PREX2: variants seen among roughly 807,000 people sequenced by gnomAD.
PREX2 encodes the protein phosphatidylinositol 3,4,5-trisphosphate-dependent Rac exchanger 2 protein.
A neutral mutation model predicts 203.2 loss-of-function variants in PREX2; 107 were observed. That is an observed-to-expected ratio of 0.53 (90% confidence interval 0.45 to 0.62). The LOEUF (loss-of-function observed/expected upper bound fraction) is 0.62, where lower values mean the gene tolerates loss of function less well. Ranked by LOEUF, PREX2 falls within the 20% of genes least tolerant of loss-of-function variation. The pLI is 0.00. For missense variants in PREX2, 1,777 were observed against 1,955.9 expected (o/e 0.91, Z 1.72); for synonymous variants, 672 against 663.6 (o/e 1.01, Z -0.19).
At chr8:68,168,147 T>C (rs1268992343) in intron 35 of PREX2, among the ~76,000 whole-genome samples, 1 of 152,248 alleles carries the variant, frequency 6.6e-6, no homozygotes, top group Non-Finnish European at 1.5e-5. Flanking sequence ...CTTTTTATTC[T>C]AGTATAAGCT....
intron 11 of PREX2, 104 bp from the exon 12 acceptor site, chr8:68,068,929 A>G: frequency 2.1e-6 from 1 of 465,408 alleles, no homozygotes; most frequent in Non-Finnish European, 3.7e-6. Context: ...TTGTAAAACT[A>G]AAAGTTTTAG....
intron 1 of PREX2, among the ~76,000 whole-genome samples, chr8:67,984,861 T>C (rs1806370961): frequency 6.6e-6 from 1 of 152,082 alleles, no homozygotes; most frequent in South Asian, 2.1e-4. Context: ...CTAGCTGCGA[T>C]GTGGGGTGAG....
intron 7 of PREX2, among the ~76,000 whole-genome samples, chr8:68,040,314 C>T (rs1184233099): frequency 6.6e-6 from 1 of 152,146 alleles, no homozygotes; most frequent in East Asian, 1.9e-4. Flanking sequence ...GCGTGAGCCA[C>T]CGTGCTTGGC....
Position 68,097,086 on chromosome 8 carries a change from A to G in PREX2, c.2438A>G (p.Asp813Gly), listed in dbSNP as rs1049193896. The change falls in exon 22 of 40, where the codon GAC becomes GGC. Residue 813 changes from aspartate to glycine, a missense_variant. Physicochemically the swap from Asp to Gly is moderately conservative, Grantham distance 94. Transcript: ENST00000288368. ...GKKEHVSLTV[D>G]NVHLEYGVVY... ...AAGGAGCATGTGAGTCTGACAGTGG[A>G]CAATGTCCACCTGGAATATGGTGTC... The G allele has an allele frequency of 6.2e-7, 1 of 1,614,024 alleles. No individual in the cohort carries two copies. The highest frequency in any genetic ancestry group is 8.5e-7 in the Non-Finnish European group (1 of 1,179,918).
intron 31 of PREX2, among the ~76,000 whole-genome samples, chr8:68,127,819 A>G (rs1413836642): frequency 2.0e-5 from 3 of 152,100 alleles, no homozygotes; most frequent in African/African-American, 7.2e-5. Context: ...TTTACCATGC[A>G]CTTAGTGGGA....
chr8:67,981,576 T>G lies in PREX2; in HGVS notation c.141+29041T>G, dbSNP rs147060730. On this transcript the variant is annotated intron_variant, in intron 1 of 39. Coordinates refer to ENST00000288368, the MANE Select transcript of PREX2 (RefSeq NM_024870.4). ...GAACAGGAAACTAAACAAGACCAAA[T>G]AAATATGTCTAAGTGACAAGTTCGC... Among the ~76,000 whole-genome samples the G allele has an allele frequency of 8.9e-3, 1,361 of 152,236 alleles. 16 individuals are homozygous for G. Among genetic ancestry groups the G allele is most frequent in the African/African-American group, 0.03 (1,243 of 41,542 alleles).
chr8:68,110,697 A>G (rs1810517592), intron 25 of PREX2, among the ~76,000 whole-genome samples: 1 of 152,298 alleles, frequency 6.6e-6, no homozygotes, highest in East Asian at 1.9e-4. Context: ...CTTTGTTGTA[A>G]TTAGACATTA....
intron 25 of PREX2, among the ~76,000 whole-genome samples, 198 bp from the exon 26 acceptor site, chr8:68,115,555 A>G (rs975699256): frequency 1.0e-4 from 15 of 147,942 alleles, no homozygotes; most frequent in African/African-American, 4.0e-4. Context: ...TCTAAATTGT[A>G]TGTTGTTTGT....
chr8:67,982,814 A>T (rs1806309479), intron 1 of PREX2, among the ~76,000 whole-genome samples: 1 of 152,188 alleles, frequency 6.6e-6, no homozygotes, highest in South Asian at 2.1e-4. Flanking sequence ...TTAAACTGTC[A>T]TAGAATATTC....
At chr8:68,077,343 G>T in intron 14 of PREX2, 54 bp from the exon 15 acceptor site, 1 of 1,280,808 alleles carries the variant, frequency 7.8e-7, no homozygotes, top group Non-Finnish European at 1.1e-6. Context: ...GAGCAAAGCT[G>T]CCACAAAGCC....
At chr8:68,090,774 GT>G (rs34882769) in intron 20 of PREX2, 59 bp downstream of exon 20, 606,411 of 1,463,874 alleles carry the variant, frequency 0.41, 128,526 homozygotes, top group African/African-American at 0.56. Context: ...GACCTAAGGG[GT>G]TGAGGTGGGA....
At position 68,057,111 on chromosome 8, in the gene PREX2, G is replaced by A. The variant is rs986711494; in HGVS notation, c.1238+1137G>A. On this transcript the variant is annotated intron_variant, in intron 10 of 39. Coordinates refer to ENST00000288368, the MANE Select transcript of PREX2 (RefSeq NM_024870.4). The stretch of plus-strand genomic sequence containing the variant: ...AACTAGTGGGAAGTGATGGGATCAT[G>A]GGGGTGGCTTCCACCTTGCTGGTCT... Among the ~76,000 whole-genome samples the A allele has an allele frequency of 5.3e-5, 8 of 152,268 alleles. No individual in the cohort carries two copies. The Middle Eastern group carries it at 0.01, about 194-fold the overall frequency.
At chr8:68,162,063 C>T (rs1811666555) in intron 35 of PREX2, among the ~76,000 whole-genome samples, 1 of 152,126 alleles carries the variant, frequency 6.6e-6, no homozygotes, top group African/African-American at 2.4e-5. Flanking sequence ...ATGAGGACAG[C>T]ATGGGAAAGA....
At chr8:68,031,287 CT>C (rs1796849263) in intron 6 of PREX2, among the ~76,000 whole-genome samples, 1 of 152,116 alleles carries the variant, frequency 6.6e-6, no homozygotes, top group Non-Finnish European at 1.5e-5. Flanking sequence ...TACTTTACCA[CT>C]ATGCAAAGAA....
At chr8:68,059,765 G>T (rs941545590) in intron 10 of PREX2, among the ~76,000 whole-genome samples, 12 of 152,134 alleles carry the variant, frequency 7.9e-5, no homozygotes, top group Admixed American at 7.9e-4. Context: ...TTATTCAGGT[G>T]GTTGTCAGGA....
intron 8 of PREX2, among the ~76,000 whole-genome samples, chr8:68,047,168 T>A (rs1808376857): frequency 6.6e-6 from 1 of 151,966 alleles, no homozygotes; most frequent in Non-Finnish European, 1.5e-5. Context: ...AGAAATGATC[T>A]GGGTGCTGCA....
At position 68,099,703 on chromosome 8, in the gene PREX2, A is replaced by G. The variant is rs764596508; in HGVS notation, c.2575A>G (p.Ser859Gly). 1.6e-5 allele frequency: 26 copies of G among 1,613,780 alleles called. No individual in the cohort carries two copies. Among genetic ancestry groups the G allele is most frequent in the Non-Finnish European group, 2.1e-5 (25 of 1,179,814 alleles). Residue 859 changes from serine to glycine, a missense_variant, in exon 23 of 40, where the codon AGT becomes GGT. By Grantham distance (56) the Ser-to-Gly change is moderately conservative. Transcript: ENST00000288368. The part of the protein sequence containing the change: ...TAKILEALAK[S>G]DEHFVQNCTS... Reference sequence around the variant, plus strand: ...GCAGATTCTTGAAGCCCTGGCTAAAAGTGATGAGCATTTTGTACAAAACTG... The same window carrying G: ...GCAGATTCTTGAAGCCCTGGCTAAAGGTGATGAGCATTTTGTACAAAACTG...
At chr8:68,025,055 C>G (rs1376553339) in intron 4 of PREX2, among the ~76,000 whole-genome samples, 1 of 151,910 alleles carries the variant, frequency 6.6e-6, no homozygotes, top group Non-Finnish European at 1.5e-5. Flanking sequence ...TTTCTACAGT[C>G]TTTTATAGTT....
intron 26 of PREX2, among the ~76,000 whole-genome samples, chr8:68,116,571 A>T (rs189557424): frequency 1.2e-3 from 184 of 152,252 alleles, no homozygotes; most frequent in Non-Finnish European, 2.1e-3. Context: ...TGGAGGAAGG[A>T]TCCGTGCCAG....
Sources: gnomAD v4.1 joint callset for allele counts (sites outside exome capture counted in the v4.1 genomes callset) on GRCh38, gnomAD v4.1.1 for gene constraint, MANE v1.5 for transcripts, NCBI Gene and HGNC (gene_info 2026-07-23, HGNC 2026-07-21) for gene names.